Variants in SMCHD1 observed in about 807,000 individuals in gnomAD.
The protein encoded by SMCHD1 is structural maintenance of chromosomes flexible hinge domain containing 1, also known as structural maintenance of chromosomes flexible hinge domain-containing protein 1.
SMCHD1 carries 78 observed loss-of-function variants against 254.7 expected under a neutral mutation model. The observed-to-expected ratio is 0.31, with a 90% CI of 0.26 to 0.37. The LOEUF (loss-of-function observed/expected upper bound fraction) is 0.37. SMCHD1 is among the 10% of genes least tolerant of loss of function. The pLI, the probability that SMCHD1 is intolerant of heterozygous loss-of-function variation, is 1.00. For synonymous variants in SMCHD1, 766 were observed against 794.9 expected (o/e 0.96, Z 0.61); for missense variants, 1,840 against 2,408.1 (o/e 0.76, Z 4.94).
At chr18:2,771,090 A>C (rs570368843) in intron 39 of SMCHD1, among the ~76,000 whole-genome samples, 1 of 152,194 alleles carries the variant, frequency 6.6e-6, no homozygotes, top group African/African-American at 2.4e-5. Flanking sequence ...CGCTTGCCTC[A>C]AAGTACTCAC....
chr18:2,693,894 G>T (rs2074234202), intron 7 of SMCHD1, among the ~76,000 whole-genome samples: 1 of 152,172 alleles, frequency 6.6e-6, no homozygotes, highest in Non-Finnish European at 1.5e-5. Flanking sequence ...ACCTCCCAAA[G>T]TGCTGGGATT....
chr18:2,683,374 A>G (rs527812760), intron 5 of SMCHD1, among the ~76,000 whole-genome samples: 86 of 152,084 alleles, frequency 5.7e-4, no homozygotes, highest in Non-Finnish European at 1.1e-3. Context: ...GCAACTTGGT[A>G]TTTAACCTGT....
chr18:2,660,042 G>C (rs1348022875), intron 1 of SMCHD1, among the ~76,000 whole-genome samples: 1 of 152,112 alleles, frequency 6.6e-6, no homozygotes, highest in Admixed American at 6.6e-5. Context: ...AGAGAAGTTG[G>C]GGACGGCATA....
chr18:2,748,378 GTGTGTATA>G lies in SMCHD1; in HGVS notation c.3927+733_3927+740del, dbSNP rs1403669062. Among the ~76,000 whole-genome samples, 84 of 55,850 alleles carry G rather than the reference GTGTGTATA, an allele frequency of 1.5e-3. 3 individuals are homozygous for G. The highest frequency in any genetic ancestry group is 0.014 in the East Asian group (17 of 1,252). 36.6% of individuals were successfully genotyped at this position (55,850 alleles called of 152,430 possible). A position where few individuals can be genotyped will look rare whatever the true frequency, so the allele number is the denominator to read the frequency against. ...TGTGTGTGTGTGTGTGTGTGTGTGTGTGTGTATATAAATTTTTTTTTTTTTTTTTTTGG... is the reference window on the plus strand; with the variant it reads ...TGTGTGTGTGTGTGTGTGTGTGTGTGTAAATTTTTTTTTTTTTTTTTTTGG... On this transcript the variant is annotated intron_variant, in intron 30 of 47. Transcript: ENST00000320876.
chr18:2,692,317 G>A (rs980575141), intron 7 of SMCHD1, among the ~76,000 whole-genome samples: 3 of 152,168 alleles, frequency 2.0e-5, no homozygotes, highest in African/African-American at 7.2e-5. Flanking sequence ...GGGAGGCTGC[G>A]GAGGGAGAAT....
intron 29 of SMCHD1, among the ~76,000 whole-genome samples, chr18:2,744,842 TTTG>T (rs1346311922): frequency 6.6e-6 from 1 of 152,130 alleles, no homozygotes; most frequent in Non-Finnish European, 1.5e-5. Flanking sequence ...TTTGTTTTGT[TTTG>T]TTTTTGTTTT....
intron 1 of SMCHD1, among the ~76,000 whole-genome samples, chr18:2,664,504 C>T (rs1339376066): frequency 1.3e-5 from 2 of 152,050 alleles, no homozygotes; most frequent in African/African-American, 4.8e-5. Flanking sequence ...TGTTTGTGCT[C>T]TTTTTTGGTG....
At chr18:2,748,336 G>A (rs1214014297) in intron 30 of SMCHD1, among the ~76,000 whole-genome samples, 3 of 140,592 alleles carry the variant, frequency 2.1e-5, no homozygotes, top group South Asian at 2.3e-4. Flanking sequence ...GCTAGTCTTT[G>A]CAAAGTTGTG....
At chr18:2,667,250 G>C (rs763935386) in intron 3 of SMCHD1, among the ~76,000 whole-genome samples, 2 of 152,000 alleles carry the variant, frequency 1.3e-5, no homozygotes, top group African/African-American at 2.4e-5. Flanking sequence ...CCTACTAGTA[G>C]AACTTTTCTT....
chr18:2,774,228 G>A (rs888407141), intron 41 of SMCHD1, among the ~76,000 whole-genome samples: 1 of 151,936 alleles, frequency 6.6e-6, no homozygotes, highest in African/African-American at 2.4e-5. Context: ...ACATCTAAAT[G>A]TCACAAGTAA....
At chr18:2,678,105 A>G (rs185700374) in intron 5 of SMCHD1, among the ~76,000 whole-genome samples, 218 of 152,330 alleles carry the variant, frequency 1.4e-3, no homozygotes, top group African/African-American at 4.8e-3. Flanking sequence ...ATCGTTATAC[A>G]TTATAGCCCT....
intron 47 of SMCHD1, among the ~76,000 whole-genome samples, chr18:2,797,785 C>T (rs1311853470): frequency 1.3e-5 from 2 of 152,076 alleles, no homozygotes; most frequent in South Asian, 2.1e-4. Flanking sequence ...GTCATGGTGG[C>T]GCACGCCTGT....
intron 45 of SMCHD1, among the ~76,000 whole-genome samples, chr18:2,790,424 C>T (rs538024168): frequency 7.2e-5 from 11 of 152,132 alleles, no homozygotes; most frequent in Non-Finnish European, 1.3e-4. Flanking sequence ...CTATGCCTAA[C>T]TTATAAATTA....
Position 2,729,352 on chromosome 18 carries a change from A to C in SMCHD1, c.2991A>C (p.Ala997=), listed in dbSNP as rs540461560. ...GAACCAGTATTTTAACAGGATCTGC[A>C]ATTCAAGTTCAGAATATTAAAAAAG... is the stretch of plus-strand genomic sequence containing the variant. The part of the protein sequence containing the change: ...SSGTSILTGS[A]IQVQNIKKDQ... The change falls in exon 24 of 48, where the codon GCA becomes GCC. Residue 997 remains alanine, a synonymous_variant. Transcript: ENST00000320876. 23 of 1,558,410 alleles carry C rather than the reference A, an allele frequency of 1.5e-5. No homozygotes were observed. In the South Asian group the frequency reaches 2.4e-4, roughly 16 times the overall value.
chr18:2,665,871 CTGA>C (rs1486622625), intron 1 of SMCHD1, among the ~76,000 whole-genome samples: 1 of 152,074 alleles, frequency 6.6e-6, no homozygotes. Context: ...GTGGGTCCTG[CTGA>C]TGATGTTAAA....
intron 45 of SMCHD1, 102 bp downstream of exon 45, chr18:2,784,723 G>GT: frequency 1.6e-6 from 2 of 1,244,018 alleles, no homozygotes; most frequent in South Asian, 2.8e-5. Context: ...ATTAACAAAT[G>GT]TAAGTAAGTA....
chr18:2,703,812 T>A lies in SMCHD1; in HGVS notation c.1768T>A (p.Ser590Thr). 1 of 1,613,008 alleles carries A rather than the reference T, an allele frequency of 6.2e-7. No individual in the cohort carries two copies. The highest frequency in any genetic ancestry group is 1.1e-5 in the South Asian group (1 of 91,048). The part of the protein sequence containing the change: ...KGVITRPDLP[S>T]KKQGPWATYA... The stretch of plus-strand genomic sequence containing the variant: ...AGTAATTACACGTCCTGATCTTCCT[T>A]CTAAAAAGCAAGGTCCCTGGGCAAC... Residue 590 changes from serine (S) to threonine (T), a missense_variant, in exon 13 of 48, where the codon TCT becomes ACT. Ser to Thr is a moderately conservative substitution (Grantham distance 58, BLOSUM62 1). Transcript: ENST00000320876.
chr18:2,708,146 G>A (rs1006703406), intron 17 of SMCHD1, among the ~76,000 whole-genome samples: 1 of 151,886 alleles, frequency 6.6e-6, no homozygotes, highest in Non-Finnish European at 1.5e-5. Flanking sequence ...GGGTAACTGG[G>A]CTAAAGTAAA....
chr18:2,709,259 CAT>C (rs1361190735), intron 17 of SMCHD1, among the ~76,000 whole-genome samples: 3 of 97,276 alleles, frequency 3.1e-5, no homozygotes, highest in African/African-American at 6.4e-5. Context: ...TACACACACA[CAT>C]GTATACACAT....
Sources: gnomAD v4.1 joint callset for allele counts (sites outside exome capture counted in the v4.1 genomes callset) on GRCh38, gnomAD v4.1.1 for gene constraint, MANE v1.5 for transcripts, NCBI Gene and HGNC (gene_info 2026-07-23, HGNC 2026-07-21) for gene names.